Variants in DLG2 observed in about 807,000 individuals in gnomAD.
DLG2 encodes discs large MAGUK scaffold protein 2, also known as disks large homolog 2.
A neutral mutation model predicts 132.5 loss-of-function variants in DLG2; 45 were observed. That is an observed-to-expected ratio of 0.34 (90% CI 0.27 to 0.44). DLG2 has a LOEUF of 0.44. Ranked by LOEUF, DLG2 falls within the 20% of genes least tolerant of loss-of-function variation. The pLI is 1.00. For missense variants in DLG2, 1,045 were observed against 1,196.9 expected (o/e 0.87, Z 1.87); for synonymous variants, 424 against 419.6 (o/e 1.01, Z -0.13).
At chr11:85,027,632 G>A (rs1413162203) in intron 6 of DLG2, among the ~76,000 whole-genome samples, 1 of 152,252 alleles carries the variant, frequency 6.6e-6, no homozygotes, top group Non-Finnish European at 1.5e-5. Context: ...AGCTGCTGTG[G>A]CAAGGCAGAC....
At chr11:85,231,144 T>A (rs1220234073) in intron 4 of DLG2, among the ~76,000 whole-genome samples, 2 of 151,920 alleles carry the variant, frequency 1.3e-5, no homozygotes, top group African/African-American at 2.4e-5. Flanking sequence ...CCAAAAAAAA[T>A]TTGCCCATTT....
intron 18 of DLG2, among the ~76,000 whole-genome samples, chr11:83,784,835 G>T (rs949260041): frequency 1.3e-5 from 2 of 151,950 alleles, no homozygotes; most frequent in South Asian, 2.1e-4. Context: ...CCATCTTATC[G>T]TCTGCAGAAT....
intron 4 of DLG2, among the ~76,000 whole-genome samples, chr11:85,179,660 G>T (rs533063566): frequency 6.6e-6 from 1 of 151,724 alleles, no homozygotes; most frequent in African/African-American, 2.4e-5. Context: ...GGTACAAATG[G>T]GTGGGTGAAG....
At chr11:84,041,906 A>G (rs911898069) in intron 11 of DLG2, among the ~76,000 whole-genome samples, 5 of 151,890 alleles carry the variant, frequency 3.3e-5, no homozygotes, top group African/African-American at 1.2e-4. Context: ...AATGAGTCTC[A>G]TGAGATCTGA....
intron 6 of DLG2, among the ~76,000 whole-genome samples, chr11:84,941,876 G>T (rs970755057): frequency 4.6e-5 from 7 of 151,992 alleles, no homozygotes; most frequent in Non-Finnish European, 1.0e-4. Flanking sequence ...CACGTCCTGG[G>T]CTTTTCCTTG....
intron 15 of DLG2, among the ~76,000 whole-genome samples, chr11:83,909,730 T>C (rs923735649): frequency 6.6e-6 from 1 of 152,164 alleles, no homozygotes; most frequent in Non-Finnish European, 1.5e-5. Flanking sequence ...TCATTAATTG[T>C]TATGCTTCAT....
chr11:83,477,545 G>A (rs2092714027), intron 22 of DLG2, among the ~76,000 whole-genome samples: 1 of 152,056 alleles, frequency 6.6e-6, no homozygotes, highest in Non-Finnish European at 1.5e-5. Context: ...AGGTTGCCAC[G>A]ATGTGTAACT....
chr11:85,521,374 C>T (rs2074300606), intron 3 of DLG2, among the ~76,000 whole-genome samples: 1 of 152,176 alleles, frequency 6.6e-6, no homozygotes, highest in Admixed American at 6.5e-5. Context: ...CCCCTTCTGC[C>T]ATGATTGTAA....
chr11:84,269,677 T>C (rs1207217846), intron 7 of DLG2, among the ~76,000 whole-genome samples: 1 of 152,220 alleles, frequency 6.6e-6, no homozygotes, highest in Non-Finnish European at 1.5e-5. Flanking sequence ...AGAATAAGTT[T>C]TTCTGAGATG....
chr11:84,016,973 T>G (rs2095223658), intron 11 of DLG2, among the ~76,000 whole-genome samples: 1 of 152,054 alleles, frequency 6.6e-6, no homozygotes, highest in African/African-American at 2.4e-5. Context: ...GAAGTAACTT[T>G]TTCTGTTGAA....
rs1231028090 is a variant in DLG2 at position 83,668,828 on chromosome 11, TGTGTATATAAACACACACACAC to T, written c.1826-35525_1826-35504del. Among the ~76,000 whole-genome samples the T allele has an allele frequency of 8.5e-4, 115 of 134,748 alleles. 10 individuals carry two copies. The highest frequency in any genetic ancestry group is 3.0e-3 in the African/African-American group (103 of 34,620). The allele number at this position is 134,748 out of a possible 152,430, so 88.4% of individuals were successfully genotyped here. On this transcript the variant is annotated intron_variant, in intron 18 of 27. Transcript: ENST00000376104. Reference sequence around the variant, plus strand: ...ATATATGTGTATATAAACATATATATGTGTATATAAACACACACACACATATATATATATATATATTTTTTTT... The same window carrying T: ...ATATATGTGTATATAAACATATATATATATATATATATATATATTTTTTTT...
intron 7 of DLG2, among the ~76,000 whole-genome samples, chr11:84,452,574 A>C: frequency 6.6e-6 from 1 of 151,928 alleles, no homozygotes; most frequent in East Asian, 1.9e-4. Context: ...ATTTTTAAAA[A>C]GTGGTTGGGT....
At chr11:83,566,829 C>T (rs114890082) in intron 19 of DLG2, among the ~76,000 whole-genome samples, 4,266 of 151,878 alleles carry the variant, frequency 0.028, 225 homozygotes, top group African/African-American at 0.098. Context: ...GAACATCTCA[C>T]AGTAGGTGTT....
intron 8 of DLG2, among the ~76,000 whole-genome samples, chr11:84,225,238 G>C (rs1030719901): frequency 1.3e-5 from 2 of 152,144 alleles, no homozygotes; most frequent in Admixed American, 1.3e-4. Flanking sequence ...TAACATATTT[G>C]AATAGCATTT....
At chr11:83,868,981 G>T (rs771659781) in intron 16 of DLG2, among the ~76,000 whole-genome samples, 2 of 152,112 alleles carry the variant, frequency 1.3e-5, no homozygotes, top group Non-Finnish European at 1.5e-5. Flanking sequence ...AAAAGTTTAC[G>T]CTCCATAACT....
chr11:84,117,698 T>A (rs1245787558), intron 9 of DLG2, among the ~76,000 whole-genome samples: 1 of 152,170 alleles, frequency 6.6e-6, no homozygotes, highest in East Asian at 1.9e-4. Context: ...AAGAATTGTA[T>A]TCATTGAGAA....
intron 6 of DLG2, among the ~76,000 whole-genome samples, chr11:84,683,635 C>T (rs1235917627): frequency 3.3e-5 from 5 of 152,148 alleles, no homozygotes; most frequent in South Asian, 2.1e-4. Context: ...TTTTGAGACT[C>T]GCAGATGAGC....
intron 5 of DLG2, among the ~76,000 whole-genome samples, chr11:85,151,288 C>T (rs1054992024): frequency 6.6e-6 from 1 of 151,968 alleles, no homozygotes; most frequent in Admixed American, 6.6e-5. Flanking sequence ...ATATGATTTG[C>T]AAATACTTCC....
intron 23 of DLG2, 151 bp downstream of exon 23, chr11:83,472,576 G>T: frequency 3.2e-6 from 2 of 634,222 alleles, no homozygotes; most frequent in South Asian, 4.4e-5. Flanking sequence ...GAGAGAGAAA[G>T]TGAGAGACAG....
Sources: gnomAD v4.1 joint callset for allele counts (sites outside exome capture counted in the v4.1 genomes callset) on GRCh38, gnomAD v4.1.1 for gene constraint, MANE v1.5 for transcripts, NCBI Gene and HGNC (gene_info 2026-07-23, HGNC 2026-07-21) for gene names.